The following LMNTD1 variants were observed in gnomAD, a reference collection of about 807,000 sequenced individuals.
The protein encoded by LMNTD1 is lamin tail domain containing 1.
Under a neutral mutation model 50.9 loss-of-function variants are expected in LMNTD1, and 35 were observed. The ratio of observed to expected loss-of-function variants is 0.69; its 90% CI spans 0.53 to 0.91. LMNTD1 has a LOEUF of 0.91. LMNTD1 is among the 40% of genes least tolerant of loss of function. The probability of loss-of-function intolerance (pLI) is 0.00; values close to 1 mark genes in which losing one functional copy is unlikely to be tolerated. For synonymous variants in LMNTD1, 153 were observed against 161.9 expected (o/e 0.94, Z 0.42); for missense variants, 470 against 475.5 (o/e 0.99, Z 0.11).
intron 1 of LMNTD1, among the ~76,000 whole-genome samples, chr12:25,643,740 G>C (rs897867566): frequency 5.3e-5 from 8 of 152,206 alleles, no homozygotes; most frequent in Non-Finnish European, 5.9e-5. Context: ...AAAGAAGAAG[G>C]GAGGAGTGGC....
At chr12:25,483,212 C>T (rs1938500753) in intron 9 of LMNTD1, among the ~76,000 whole-genome samples, 2 of 150,324 alleles carry the variant, frequency 1.3e-5, no homozygotes, top group Non-Finnish European at 3.0e-5. Flanking sequence ...ACTGCCTGAA[C>T]TCAGAAGTTG....
rs150558545 is a variant in LMNTD1, at chr12:25,526,813, G to A, written c.634C>T (p.Arg212Ter). 1.0e-4 allele frequency: 162 copies of A among 1,612,090 alleles called. No homozygotes were observed. Among genetic ancestry groups the A allele is most frequent in the Non-Finnish European group, 1.2e-4 (143 of 1,179,114 alleles). ...NVNGQTISLY[R>*]FLPNIVMQAN... Reference sequence around the variant, plus strand: ...TGCATTACGATGTTTGGAAGGAATCGGTACAAAGAAATGGTTTGTCCATTC... The same window carrying A: ...TGCATTACGATGTTTGGAAGGAATCAGTACAAAGAAATGGTTTGTCCATTC... The change falls in exon 5 of 10, where the codon CGA becomes TGA. Residue 212 changes from arginine (R) to a stop codon, truncating the protein, a stop_gained. Coordinates refer to ENST00000458174, the MANE Select transcript of LMNTD1 (RefSeq NM_001145728.2). LOFTEE classifies it high-confidence loss of function.
chr12:25,558,679 G>A (rs1013341284), intron 1 of LMNTD1, among the ~76,000 whole-genome samples: 6 of 152,168 alleles, frequency 3.9e-5, no homozygotes, highest in Non-Finnish European at 8.8e-5. Context: ...CACAATCATA[G>A]CGGAAGACAA....
chr12:25,569,924 T>G (rs1431649454), intron 1 of LMNTD1, among the ~76,000 whole-genome samples: 2 of 152,204 alleles, frequency 1.3e-5, no homozygotes, highest in Non-Finnish European at 2.9e-5. Flanking sequence ...TGATATTTAT[T>G]TATAGCAATG....
chr12:25,510,627 C>A (rs1300937271), intron 8 of LMNTD1, among the ~76,000 whole-genome samples: 11 of 151,808 alleles, frequency 7.2e-5, no homozygotes, highest in Admixed American at 7.2e-4. Context: ...TTTTGTTGTT[C>A]CTTTCTTTCC....
rs547912481 is a variant in LMNTD1 at position 25,523,598 on chromosome 12, G to A, written c.798+2501C>T. Among the ~76,000 whole-genome samples, 137 of 152,222 alleles carry A rather than the reference G, an allele frequency of 9.0e-4. 1 individual carries two copies. The highest frequency in any genetic ancestry group is 3.1e-3 in the African/African-American group (130 of 41,536). ...AGAAGGCAGTAAATTGTCTTTTTAA[G>A]GAAAATTTACCTGGCGGTTGCAGAT... On this transcript the variant is annotated intron_variant, in intron 6 of 9. Coordinates refer to ENST00000458174, the MANE Select transcript of LMNTD1 (RefSeq NM_001145728.2).
intron 7 of LMNTD1, 69 bp from the exon 8 acceptor site, chr12:25,519,036 C>G: frequency 7.1e-7 from 1 of 1,411,230 alleles, no homozygotes; most frequent in East Asian, 2.3e-5. Flanking sequence ...GTTGAAGGCA[C>G]AATTAAAGGG....
chr12:25,600,494 C>A (rs746313423), intron 1 of LMNTD1, among the ~76,000 whole-genome samples: 2 of 151,904 alleles, frequency 1.3e-5, no homozygotes, highest in Non-Finnish European at 2.9e-5. Flanking sequence ...AGGAAACAAT[C>A]AACAAAGTGA....
At chr12:25,635,749 T>C (rs1252332246) in intron 1 of LMNTD1, among the ~76,000 whole-genome samples, 1 of 152,114 alleles carries the variant, frequency 6.6e-6, no homozygotes, top group Non-Finnish European at 1.5e-5. Context: ...TATAAGGCCA[T>C]AGCTACCAAA....
At chr12:25,642,284 G>A (rs11048141) in intron 1 of LMNTD1, among the ~76,000 whole-genome samples, 8,319 of 152,192 alleles carry the variant, frequency 0.055, 335 homozygotes, top group Non-Finnish European at 0.086. Flanking sequence ...TGGAACCTTC[G>A]GAGGGTAATT....
chr12:25,641,523 T>C (rs1946959358), intron 1 of LMNTD1, among the ~76,000 whole-genome samples: 1 of 152,200 alleles, frequency 6.6e-6, no homozygotes, highest in Non-Finnish European at 1.5e-5. Flanking sequence ...TCTTTCCTAC[T>C]TGGTAAGATT....
chr12:25,549,265 A>T lies in LMNTD1; in HGVS notation c.310+61T>A, dbSNP rs561666746. 5.3e-5 allele frequency: 45 copies of T among 857,142 alleles called. No individual in the cohort carries two copies. The East Asian group carries it at 1.2e-3, about 22-fold the overall frequency. The allele number at this position is 857,142 out of a possible 1,614,324, so 53.1% of individuals were successfully genotyped here. ...CATTCTGACTGAGAGTCATATATGC[A>T]ATCTATTGAAATATAAGCTTTAAAA... On this transcript the variant is annotated intron_variant, in intron 3 of 9. Transcript: ENST00000458174.
In LMNTD1 at chr12:25,612,328, A is replaced by ACGCGCGCG. The variant is rs55829465; in HGVS notation, c.58+36165_58+36166insCGCGCGCG. 4.1e-5 allele frequency among the ~76,000 whole-genome samples: 6 copies of ACGCGCGCG among 146,526 alleles called. No individual in the cohort carries two copies. The East Asian group carries it at 8.1e-4, about 20-fold the overall frequency. ...CACACACACACACACACACACACAC[A>ACGCGCGCG]CGCGCTCCCACTGTCAACAACACTG... On this transcript the variant is annotated intron_variant, in intron 1 of 7. Transcript: ENST00000445693.
At chr12:25,496,943 A>C (rs149491385) in intron 9 of LMNTD1, among the ~76,000 whole-genome samples, 29 of 152,218 alleles carry the variant, frequency 1.9e-4, no homozygotes, top group African/African-American at 7.0e-4. Flanking sequence ...TATTCAGATA[A>C]GTGAAATTAC....
intron 4 of LMNTD1, among the ~76,000 whole-genome samples, chr12:25,537,809 A>C (rs542074782): frequency 1.3e-5 from 2 of 152,092 alleles, no homozygotes; most frequent in East Asian, 3.9e-4. Flanking sequence ...AAAGGCAAAG[A>C]AGTTGAAAAC....
At chr12:25,599,279 A>G (rs1005156977) in intron 1 of LMNTD1, among the ~76,000 whole-genome samples, 22 of 152,036 alleles carry the variant, frequency 1.4e-4, no homozygotes, top group Non-Finnish European at 7.4e-5. Flanking sequence ...AAAAACCCTA[A>G]AAAAGCTGAG....
intron 1 of LMNTD1, among the ~76,000 whole-genome samples, chr12:25,647,583 A>T (rs1347921584): frequency 2.0e-5 from 3 of 152,246 alleles, no homozygotes; most frequent in Non-Finnish European, 4.4e-5. Context: ...AAGTTTAAAA[A>T]ATAAAATGTA....
upstream of LMNTD1, among the ~76,000 whole-genome samples, chr12:25,554,004 C>T (rs1009212596): frequency 3.3e-5 from 5 of 151,932 alleles, no homozygotes; most frequent in African/African-American, 1.2e-4. Context: ...TTTTTAAAGA[C>T]AATAAAGTAA....
intron 1 of LMNTD1, among the ~76,000 whole-genome samples, chr12:25,647,058 G>A (rs7973226): frequency 1.3e-5 from 2 of 152,004 alleles, no homozygotes; most frequent in African/African-American, 4.8e-5. Context: ...TTTTCTTCTG[G>A]TGACTTCTCA....
Sources: allele counts gnomAD v4.1 joint callset (sites outside exome capture counted in the v4.1 genomes callset), GRCh38; gene constraint gnomAD v4.1.1; transcripts MANE v1.5; gene names NCBI Gene and HGNC (gene_info 2026-07-23, HGNC 2026-07-21).